SHISA6: variants seen among roughly 807,000 people sequenced by gnomAD.
SHISA6 encodes the protein protein shisa-6.
Under a neutral mutation model 47.9 loss-of-function variants are expected in SHISA6, and 22 were observed. The ratio of observed to expected loss-of-function variants is 0.46; its 90% CI spans 0.33 to 0.66. The LOEUF (loss-of-function observed/expected upper bound fraction) is 0.66. Among genes scored for constraint, SHISA6 ranks in the 30% least tolerant of loss-of-function variants. The pLI, the probability that SHISA6 is intolerant of heterozygous loss-of-function variation, is 0.02. For synonymous variants in SHISA6, 388 were observed against 337.8 expected, an observed-to-expected ratio of 1.15 and a Z score of -1.63; for missense variants, 680 against 764.6, an observed-to-expected ratio of 0.89 and a Z score of 1.30.
At chr17:11,390,917 C>T (rs1461565771) in intron 3 of SHISA6, among the ~76,000 whole-genome samples, 2 of 152,168 alleles carry the variant, frequency 1.3e-5, no homozygotes, top group African/African-American at 4.8e-5. Context: ...CAGTAAAACT[C>T]CTGCCGAGTA....
At chr17:11,448,250 G>T (rs746263023) in intron 3 of SHISA6, among the ~76,000 whole-genome samples, 3 of 152,072 alleles carry the variant, frequency 2.0e-5, no homozygotes, top group Non-Finnish European at 4.4e-5. Context: ...CGATAAAGAG[G>T]CTGGGTGTGG....
chr17:11,538,977 G>A (rs2071810173), intron 3 of SHISA6, among the ~76,000 whole-genome samples: 1 of 152,098 alleles, frequency 6.6e-6, no homozygotes, highest in Admixed American at 6.5e-5. Flanking sequence ...GTCTCGCTCT[G>A]TCAACCAAGC....
chr17:11,529,980 A>G (rs2071718476), intron 3 of SHISA6, among the ~76,000 whole-genome samples: 1 of 152,198 alleles, frequency 6.6e-6, no homozygotes, highest in Non-Finnish European at 1.5e-5. Context: ...ACTTGTGTAT[A>G]CGTTTCTAGT....
chr17:11,404,686 A>G (rs1210595089), intron 3 of SHISA6, among the ~76,000 whole-genome samples: 1 of 152,222 alleles, frequency 6.6e-6, no homozygotes, highest in East Asian at 1.9e-4. Flanking sequence ...ACACACAGTA[A>G]TGTACACTAC....
intron 2 of SHISA6, among the ~76,000 whole-genome samples, chr17:11,278,830 G>T (rs1909021598): frequency 6.6e-6 from 1 of 152,180 alleles, no homozygotes. Flanking sequence ...TAATACACGT[G>T]GCGTTTCTTT....
At chr17:11,265,026 T>G (rs530302211) in intron 2 of SHISA6, among the ~76,000 whole-genome samples, 35 of 152,316 alleles carry the variant, frequency 2.3e-4, no homozygotes, top group African/African-American at 8.4e-4. Flanking sequence ...CATTTTCAGC[T>G]TTAATACCAT....
intron 2 of SHISA6, among the ~76,000 whole-genome samples, chr17:11,357,840 C>T (rs1032249965): frequency 1.3e-5 from 2 of 152,106 alleles, no homozygotes; most frequent in African/African-American, 4.8e-5. Context: ...AAAGGGTGTG[C>T]GTGTTTGAAG....
intron 2 of SHISA6, among the ~76,000 whole-genome samples, chr17:11,269,137 G>T (rs933153252): frequency 2.0e-5 from 3 of 151,950 alleles, no homozygotes; most frequent in African/African-American, 7.3e-5. Context: ...CACCTCCTGG[G>T]TTCAAGTGAT....
chr17:11,293,298 C>T lies in SHISA6; in HGVS notation c.799+29772C>T, dbSNP rs1400994483. On this transcript the variant is annotated intron_variant, in intron 2 of 5. Coordinates refer to ENST00000441885, the MANE Select transcript of SHISA6 (RefSeq NM_207386.4). ...GGGTGAAGTCGGTGCATTGGGGATA[C>T]ATTTTAGCAAAAGGTTACAGGGGCT... 2.6e-5 allele frequency among the ~76,000 whole-genome samples: 4 copies of T among 152,066 alleles called. No homozygotes were observed. In the East Asian group the frequency reaches 7.7e-4, roughly 29 times the overall value.
intron 3 of SHISA6, among the ~76,000 whole-genome samples, chr17:11,502,302 G>C (rs556909609): frequency 6.6e-6 from 1 of 151,246 alleles, no homozygotes; most frequent in Non-Finnish European, 1.5e-5. Context: ...CCAGCTACTC[G>C]GGAGGCTGAG....
intron 3 of SHISA6, among the ~76,000 whole-genome samples, chr17:11,479,866 T>G (rs1416085773): frequency 6.6e-6 from 1 of 152,024 alleles, no homozygotes; most frequent in African/African-American, 2.4e-5. Context: ...TATCTTCACT[T>G]ATTTTTTCTT....
chr17:11,502,762 G>A (rs1157370456), intron 3 of SHISA6, among the ~76,000 whole-genome samples: 1 of 152,116 alleles, frequency 6.6e-6, no homozygotes, highest in African/African-American at 2.4e-5. Flanking sequence ...TATCCTGTTT[G>A]GCAGGCACTG....
intron 2 of SHISA6, among the ~76,000 whole-genome samples, chr17:11,298,786 C>T (rs1032739777): frequency 4.6e-5 from 7 of 152,162 alleles, no homozygotes; most frequent in African/African-American, 1.7e-4. Context: ...GTGGCCAAAC[C>T]ATGTTCCAAG....
At chr17:11,245,750 G>GT (rs66469161) in intron 1 of SHISA6, among the ~76,000 whole-genome samples, 1,245 of 13,162 alleles carry the variant, frequency 0.095, 22 homozygotes, top group Non-Finnish European at 0.18. Context: ...TGGGCAGGGT[G>GT]GGGGGGGTGG....
At chr17:11,496,224 T>A (rs1367295266) in intron 3 of SHISA6, among the ~76,000 whole-genome samples, 1 of 152,154 alleles carries the variant, frequency 6.6e-6, no homozygotes, top group African/African-American at 2.4e-5. Flanking sequence ...AGGAGAGTGT[T>A]CATTCTCTCA....
chr17:11,398,608 T>G (rs1011791140), intron 3 of SHISA6, among the ~76,000 whole-genome samples: 6 of 152,116 alleles, frequency 3.9e-5, no homozygotes, highest in African/African-American at 1.2e-4. Context: ...TTGTTGTTTT[T>G]TTTTTGACAG....
intron 3 of SHISA6, among the ~76,000 whole-genome samples, chr17:11,457,819 C>T (rs1915583087): frequency 6.6e-6 from 1 of 151,136 alleles, no homozygotes; most frequent in Admixed American, 6.6e-5. Context: ...GGCACGGTGG[C>T]TTATGCCTGT....
chr17:11,319,331 G>A (rs1910632504), intron 2 of SHISA6, among the ~76,000 whole-genome samples: 3 of 152,078 alleles, frequency 2.0e-5, no homozygotes, highest in East Asian at 1.9e-4. Context: ...CACCCGCCTC[G>A]CCCTTCCAAA....
At chr17:11,404,496 T>C (rs1407939405) in intron 3 of SHISA6, among the ~76,000 whole-genome samples, 1 of 152,186 alleles carries the variant, frequency 6.6e-6, no homozygotes, top group Non-Finnish European at 1.5e-5. Context: ...CTGACTCACA[T>C]GGCAATTTCC....
Sources: allele counts gnomAD v4.1 joint callset (sites outside exome capture counted in the v4.1 genomes callset), GRCh38; gene constraint gnomAD v4.1.1; transcripts MANE v1.5; gene names NCBI Gene and HGNC (gene_info 2026-07-23, HGNC 2026-07-21).